The following TRIM42 variants were observed in gnomAD, a reference collection of about 807,000 sequenced individuals.
TRIM42 encodes the protein tripartite motif containing 42.
A neutral mutation model predicts 64.9 loss-of-function variants in TRIM42; 59 were observed. The ratio of observed to expected loss-of-function variants is 0.91; its 90% confidence interval spans 0.74 to 1.13. The LOEUF is 1.13. Among genes scored for constraint, TRIM42 ranks in the 50% most tolerant of loss-of-function variants. TRIM42 has a pLI of 0.00. For missense variants in TRIM42, 878 were observed against 929.5 expected (o/e 0.94, Z 0.72); for synonymous variants, 354 against 346.3 (o/e 1.02, Z -0.25).
intron 4 of TRIM42, among the ~76,000 whole-genome samples, chr3:140,699,757 GC>G (rs1262176930): frequency 1.3e-5 from 2 of 152,060 alleles, no homozygotes; most frequent in Non-Finnish European, 2.9e-5. Context: ...TTATCTCTAT[GC>G]ATTATTTCCA....
chr3:140,698,326 G>C (rs1348651246), intron 4 of TRIM42, among the ~76,000 whole-genome samples: 2 of 152,122 alleles, frequency 1.3e-5, no homozygotes, highest in Non-Finnish European at 1.5e-5. Context: ...TAATATGTTT[G>C]AACATTTACT....
intron 4 of TRIM42, among the ~76,000 whole-genome samples, chr3:140,694,229 G>A (rs1413492899): frequency 1.3e-5 from 2 of 152,208 alleles, no homozygotes; most frequent in Non-Finnish European, 2.9e-5. Flanking sequence ...ATTACGCATT[G>A]AAAAGAGCAT....
intron 1 of TRIM42, among the ~76,000 whole-genome samples, chr3:140,681,466 T>G (rs1988393214): frequency 1.3e-5 from 2 of 152,206 alleles, no homozygotes; most frequent in African/African-American, 4.8e-5. Context: ...AAAAAACATC[T>G]CAGAAGGTAC....
At position 140,688,393 on chromosome 3, in the gene TRIM42, C is replaced by T. The variant is rs1384779014; in HGVS notation, c.1711C>T (p.Leu571Phe). 1.2e-6 allele frequency: 2 copies of T among 1,614,180 alleles called. No individual in the cohort carries two copies. Among genetic ancestry groups the T allele is most frequent in the South Asian group, 1.1e-5 (1 of 91,076 alleles). ...SATPAKPTDG[L>F]YTYWSAGADS... ...CACCCCCGCCAAACCCACAGACGGC[C>T]TCTACACCTACTGGAGTGCTGGAGC... is the stretch of plus-strand genomic sequence containing the variant. Residue 571 changes from leucine (L) to phenylalanine (F), a missense_variant, in exon 3 of 5, where the codon CTC becomes TTC. Physicochemically the swap from Leu to Phe is conservative, Grantham distance 22. Transcript: ENST00000286349.
At chr3:140,690,129 A>C (rs1429904131) in intron 3 of TRIM42, among the ~76,000 whole-genome samples, 1 of 152,212 alleles carries the variant, frequency 6.6e-6, no homozygotes, top group East Asian at 1.9e-4. Flanking sequence ...TCATACAGGA[A>C]TCATAGTGCT....
chr3:140,692,683 G>A lies in TRIM42; in HGVS notation c.2085+1491G>A, dbSNP rs1988753559. On this transcript the variant is annotated intron_variant, in intron 4 of 4. Coordinates refer to ENST00000286349, the MANE Select transcript of TRIM42 (RefSeq NM_152616.5). Reference sequence around the variant, plus strand: ...CAGCCAATTACACTGCTGCTCAGTTGCCCCAAAGCCCTTCTCATTCTTGAT... The same window carrying A: ...CAGCCAATTACACTGCTGCTCAGTTACCCCAAAGCCCTTCTCATTCTTGAT... Among the ~76,000 whole-genome samples the A allele has an allele frequency of 3.9e-5, 6 of 152,186 alleles. No homozygotes were observed. In the South Asian group the frequency reaches 1.0e-3, roughly 26 times the overall value.
chr3:140,681,670 A>C (rs1258191556), intron 1 of TRIM42, among the ~76,000 whole-genome samples: 1 of 152,048 alleles, frequency 6.6e-6, no homozygotes, highest in African/African-American at 2.4e-5. Flanking sequence ...CTGAGAACAC[A>C]CCTGTAGTTG....
chr3:140,690,541 A>G (rs1216326302), intron 3 of TRIM42, among the ~76,000 whole-genome samples: 16 of 2,840 alleles, frequency 5.6e-3, no homozygotes, highest in African/African-American at 9.2e-3. Context: ...GTATATATAT[A>G]TATATATATA....
At chr3:140,685,221 G>C (rs1042156954) in intron 2 of TRIM42, among the ~76,000 whole-genome samples, 1 of 152,178 alleles carries the variant, frequency 6.6e-6, no homozygotes, top group Admixed American at 6.5e-5. Context: ...AAAAGCAAGT[G>C]ATCTGGGAAT....
rs374522032 is a variant in TRIM42 at position 140,688,330 on chromosome 3, A to G, written c.1648A>G (p.Lys550Glu). Residue 550 changes from lysine to glutamate, a missense_variant, in exon 3 of 5, where the codon AAG becomes GAG. By Grantham distance (56) the Lys-to-Glu change is moderately conservative. Transcript: ENST00000286349. The stretch of plus-strand genomic sequence containing the variant: ...CTTCAGCAACACTGACAAGAAGGCC[A>G]AGGTGGGTCTGGAGGCCTGTGGGAG... The part of the protein sequence containing the change: ...LSFSNTDKKA[K>E]VGLEACGRAQ... 3.1e-6 allele frequency: 5 copies of G among 1,614,102 alleles called. No homozygotes were observed. The African/African-American group carries it at 6.7e-5, about 22-fold the overall frequency.
At chr3:140,678,770 C>T (rs1470346766) in intron 1 of TRIM42, among the ~76,000 whole-genome samples, 200 bp downstream of exon 1, 1 of 152,174 alleles carries the variant, frequency 6.6e-6, no homozygotes, top group South Asian at 2.1e-4. Flanking sequence ...CAAATCTAAG[C>T]GCCATTAACT....
intron 4 of TRIM42, among the ~76,000 whole-genome samples, chr3:140,692,562 C>CACACACACACACACACACACAGAG (rs375439126): frequency 0.01 from 1,140 of 113,986 alleles, 20 homozygotes; most frequent in African/African-American, 0.013. Context: ...CACACACACA[C>CACACACACACACACACACACAGAG]AGAGAGAGAT....
chr3:140,697,746 C>T (rs1026922490), intron 4 of TRIM42, among the ~76,000 whole-genome samples: 5 of 152,182 alleles, frequency 3.3e-5, no homozygotes, highest in African/African-American at 1.2e-4. Context: ...TGCAGTGGCG[C>T]GATCTCGGCT....
chr3:140,691,821 T>C (rs867166066), intron 4 of TRIM42, among the ~76,000 whole-genome samples: 1 of 152,128 alleles, frequency 6.6e-6, no homozygotes, highest in South Asian at 2.1e-4. Context: ...CTCCAGGGAA[T>C]ACACATTCAT....
At position 140,678,407 on chromosome 3, in the gene TRIM42, A is replaced by G. The variant is rs772821265; in HGVS notation, c.178A>G (p.Ser60Gly). The G allele has an allele frequency of 2.5e-6, 4 of 1,614,190 alleles. No individual in the cohort carries two copies. The South Asian group carries it at 4.4e-5, about 18-fold the overall frequency. The part of the protein sequence containing the change: ...CQFCHCTCSE[S>G]PNCHWCCCSW... ...GTTCTGCCACTGCACCTGTTCTGAG[A>G]GCCCCAACTGCCATTGGTGTTGCTG... The change falls in exon 1 of 5, where the codon AGC (serine) becomes GGC (glycine). Residue 60 changes from serine (S) to glycine (G), a missense_variant. Ser to Gly is a moderately conservative substitution (Grantham distance 56). Transcript: ENST00000286349.
In TRIM42 at chr3:140,683,005, C is replaced by G. The variant is rs1230242954; in HGVS notation, c.885C>G (p.Ser295=). ...AGAAGATCTGCATCCACCACCCATC[C>G]AGCCGCATCATCGAGTACTGCCGCA... ...QDEKICIHHP[S]SRIIEYCRND... is the part of the protein sequence containing the mutation. The change falls in exon 2 of 5, where the codon TCC becomes TCG. Residue 295 remains serine, a synonymous_variant. Coordinates refer to ENST00000286349, the MANE Select transcript of TRIM42 (RefSeq NM_152616.5). The G allele has an allele frequency of 6.2e-7, 1 of 1,614,124 alleles. No homozygotes were observed. The highest frequency in any genetic ancestry group is 8.5e-7 in the Non-Finnish European group (1 of 1,180,054).
chr3:140,685,667 T>C (rs1003334334), intron 2 of TRIM42, among the ~76,000 whole-genome samples: 4 of 152,272 alleles, frequency 2.6e-5, no homozygotes, highest in Non-Finnish European at 5.9e-5. Flanking sequence ...GAGAAGAGTT[T>C]TTTTTTAACA....
chr3:140,693,754 A>C (rs1294419927), intron 4 of TRIM42, among the ~76,000 whole-genome samples: 1 of 152,212 alleles, frequency 6.6e-6, no homozygotes, highest in Non-Finnish European at 1.5e-5. Context: ...AAGTGAAATA[A>C]CACCTTTTAT....
intron 1 of TRIM42, 72 bp from the exon 2 acceptor site, chr3:140,682,390 T>C (rs1988421510): frequency 1.4e-6 from 2 of 1,470,588 alleles, no homozygotes; most frequent in Non-Finnish European, 1.9e-6. Flanking sequence ...CCAAGAGTTC[T>C]TTCAGAGGTA....
Sources: allele counts gnomAD v4.1 joint callset (sites outside exome capture counted in the v4.1 genomes callset), GRCh38; gene constraint gnomAD v4.1.1; transcripts MANE v1.5; gene names NCBI Gene and HGNC (gene_info 2026-07-23, HGNC 2026-07-21).